Variants in ITGA1 observed in about 807,000 individuals in gnomAD.
ITGA1 encodes the protein integrin alpha-1.
In ITGA1, 85 loss-of-function variants were observed where a neutral mutation model predicts 145.9. That is an observed-to-expected ratio of 0.58 (90% CI 0.49 to 0.70). ITGA1 has a LOEUF of 0.70. ITGA1 is among the 30% of genes least tolerant of loss of function. The probability of loss-of-function intolerance (pLI) is 0.00; values close to 1 mark genes in which losing one functional copy is unlikely to be tolerated. For synonymous variants in ITGA1, 520 were observed against 495.3 expected (o/e 1.05, Z -0.66); for missense variants, 1,351 against 1,418.7 (o/e 0.95, Z 0.77).
intron 1 of ITGA1, among the ~76,000 whole-genome samples, chr5:52,793,988 T>G (rs1485247944): frequency 1.3e-5 from 2 of 152,054 alleles, no homozygotes; most frequent in African/African-American, 2.4e-5. Flanking sequence ...TTTCCTATGA[T>G]TTAAAAGGAA....
chr5:52,843,750 C>T (rs1437861746), intron 1 of ITGA1, among the ~76,000 whole-genome samples: 2 of 152,050 alleles, frequency 1.3e-5, no homozygotes, highest in Non-Finnish European at 2.9e-5. Context: ...CAATAGCACC[C>T]TAGTTACAGA....
chr5:52,915,516 T>C lies in ITGA1; in HGVS notation c.1910T>C (p.Ile637Thr). 6.2e-7 allele frequency: 1 copy of C among 1,614,118 alleles called. No homozygotes were observed. The highest frequency in any genetic ancestry group is 8.5e-7 in the Non-Finnish European group (1 of 1,179,984). ...ACACTGAAATTTTTTGGCCAGTCTA[T>C]CCACGGAGAAATGGATTTAAATGGT... ...GKTLKFFGQSIHGEMDLNGDG... is the reference protein window; with the variant it reads ...GKTLKFFGQSTHGEMDLNGDG... The change falls in exon 15 of 29, where the codon ATC (isoleucine) becomes ACC (threonine). Residue 637 changes from isoleucine to threonine, a missense_variant. Ile to Thr is a moderately conservative substitution (Grantham distance 89, BLOSUM62 -1). Transcript: ENST00000282588.
intron 2 of ITGA1, among the ~76,000 whole-genome samples, chr5:52,859,618 G>A (rs1380801244): frequency 6.6e-6 from 1 of 152,140 alleles, no homozygotes; most frequent in African/African-American, 2.4e-5. Context: ...CAATATGACA[G>A]ACTTTCAAAT....
intron 1 of ITGA1, among the ~76,000 whole-genome samples, chr5:52,815,252 T>A (rs1358687428): frequency 6.6e-6 from 1 of 152,120 alleles, no homozygotes; most frequent in Admixed American, 6.5e-5. Context: ...TGAGCCAAAG[T>A]TAAAAATATA....
chr5:52,799,406 C>T (rs992330991), intron 1 of ITGA1, among the ~76,000 whole-genome samples: 2 of 152,198 alleles, frequency 1.3e-5, no homozygotes, highest in Non-Finnish European at 2.9e-5. Flanking sequence ...AACCCCCAAC[C>T]TAAACATTTC....
intron 6 of ITGA1, among the ~76,000 whole-genome samples, chr5:52,873,682 G>T (rs1453714254): frequency 6.6e-6 from 1 of 152,182 alleles, no homozygotes; most frequent in African/African-American, 2.4e-5. Context: ...GCATGTTGTA[G>T]GGTAGGGCTT....
intron 1 of ITGA1, among the ~76,000 whole-genome samples, chr5:52,810,467 G>A (rs1267383704): frequency 6.6e-6 from 1 of 152,172 alleles, no homozygotes; most frequent in African/African-American, 2.4e-5. Flanking sequence ...AACATGGATT[G>A]GATATGGTAG....
chr5:52,816,103 C>T (rs962017829), intron 1 of ITGA1, among the ~76,000 whole-genome samples: 4 of 151,998 alleles, frequency 2.6e-5, no homozygotes, highest in Non-Finnish European at 5.9e-5. Flanking sequence ...TAAGTTACAA[C>T]CTATTGTGTT....
Position 52,912,752 on chromosome 5 carries a change from A to ATT in ITGA1, c.1857+2334_1857+2335insTT, listed in dbSNP as rs1333581841. Among the ~76,000 whole-genome samples the ATT allele has an allele frequency of 3.9e-4, 56 of 142,580 alleles. 1 individual carries two copies. The highest frequency in any genetic ancestry group is 1.4e-3 in the African/African-American group (49 of 35,918). The allele number at this position is 142,580 out of a possible 152,430, so 93.5% of individuals were successfully genotyped here. On this transcript the variant is annotated intron_variant, in intron 14 of 28. Coordinates refer to ENST00000282588, the MANE Select transcript of ITGA1 (RefSeq NM_181501.2). ...TGTGTGTGTGTGTGTATATATATAT[A>ATT]TATTTTTTTTTTGAGACGGAGTCTC...
At chr5:52,828,891 C>G (rs1358231307) in intron 1 of ITGA1, among the ~76,000 whole-genome samples, 1 of 152,150 alleles carries the variant, frequency 6.6e-6, no homozygotes, top group African/African-American at 2.4e-5. Flanking sequence ...CTTCTTGACA[C>G]TTGATACTAA....
At chr5:52,870,047 A>G (rs1469080727) in intron 6 of ITGA1, among the ~76,000 whole-genome samples, 3 of 152,214 alleles carry the variant, frequency 2.0e-5, no homozygotes, top group Non-Finnish European at 2.9e-5. Flanking sequence ...TTGGAAAGAC[A>G]TTTCCTTTTC....
chr5:52,838,882 A>C (rs958634859), intron 1 of ITGA1, among the ~76,000 whole-genome samples: 2 of 152,154 alleles, frequency 1.3e-5, no homozygotes, highest in Non-Finnish European at 2.9e-5. Context: ...GGATCACTCG[A>C]GCCCAGGAGT....
chr5:52,830,001 T>A (rs963332788), intron 1 of ITGA1, among the ~76,000 whole-genome samples: 2 of 152,178 alleles, frequency 1.3e-5, no homozygotes, highest in African/African-American at 4.8e-5. Flanking sequence ...TTGCTGGGTC[T>A]CATTTCATAT....
intron 28 of ITGA1, among the ~76,000 whole-genome samples, chr5:52,947,757 A>C (rs770679836): frequency 6.6e-6 from 1 of 152,146 alleles, no homozygotes; most frequent in Non-Finnish European, 1.5e-5. Flanking sequence ...GTAACAATTA[A>C]AATTTTATAA....
At chr5:52,911,534 T>C (rs62651795) in intron 14 of ITGA1, among the ~76,000 whole-genome samples, 95,264 of 97,462 alleles carry the variant, frequency 0.98, 46,547 homozygotes, top group Middle Eastern at 1. Flanking sequence ...TATCTATATA[T>C]TAGATACATA....
intron 12 of ITGA1, among the ~76,000 whole-genome samples, chr5:52,907,307 G>A (rs757080977): frequency 5.3e-5 from 8 of 152,118 alleles, no homozygotes; most frequent in African/African-American, 7.2e-5. Flanking sequence ...GTAAGAGAAC[G>A]TAAAATAAGA....
intron 1 of ITGA1, among the ~76,000 whole-genome samples, chr5:52,812,422 A>G (rs1302522844): frequency 6.6e-6 from 1 of 152,226 alleles, no homozygotes; most frequent in Non-Finnish European, 1.5e-5. Flanking sequence ...CACAAAAATC[A>G]CACATGTTAC....
At chr5:52,943,533 C>T (rs956032363) in intron 26 of ITGA1, among the ~76,000 whole-genome samples, 3 of 152,180 alleles carry the variant, frequency 2.0e-5, no homozygotes, top group African/African-American at 7.2e-5. Flanking sequence ...TGTATTTGCT[C>T]ATGTTTGCAG....
chr5:52,915,710 A>G, intron 15 of ITGA1, 116 bp downstream of exon 15: 1 of 1,257,988 alleles, frequency 7.9e-7, no homozygotes, highest in South Asian at 1.5e-5. Context: ...CCACTATGCA[A>G]ATACAAGTTA....
Sources: gnomAD v4.1 joint callset for allele counts (sites outside exome capture counted in the v4.1 genomes callset) on GRCh38, gnomAD v4.1.1 for gene constraint, MANE v1.5 for transcripts, NCBI Gene and HGNC (gene_info 2026-07-23, HGNC 2026-07-21) for gene names.